Variants in APPBP2 observed in about 807,000 individuals in gnomAD.
The protein encoded by APPBP2 is amyloid beta precursor protein binding protein 2.
A neutral mutation model predicts 76.0 loss-of-function variants in APPBP2; 15 were observed. The observed-to-expected ratio is 0.20, with a 90% CI of 0.13 to 0.30. The LOEUF (loss-of-function observed/expected upper bound fraction) is 0.30. Ranked by LOEUF, APPBP2 falls within the 10% of genes least tolerant of loss-of-function variation. APPBP2 has a pLI of 1.00. For missense variants in APPBP2, 401 were observed against 687.2 expected (o/e 0.58, Z 4.66); for synonymous variants, 222 against 242.2 (o/e 0.92, Z 0.77).
At position 60,502,963 on chromosome 17, in the gene APPBP2, G is replaced by A. The variant is rs1197948579; in HGVS notation, c.139-2476C>T. Among the ~76,000 whole-genome samples, 3 of 144,820 alleles carry A rather than the reference G, an allele frequency of 2.1e-5. 1 individual carries two copies. The highest frequency in any genetic ancestry group is 8.5e-5 in the African/African-American group (3 of 35,138). Reference sequence around the variant, plus strand: ...CATTCCTTTAATGACTGAAACTGGTGTATCCTACTAAATGAGAGTCTATAT... The same window carrying A: ...CATTCCTTTAATGACTGAAACTGGTATATCCTACTAAATGAGAGTCTATAT... On this transcript the variant is annotated intron_variant, in intron 1 of 12. Coordinates refer to ENST00000083182, the MANE Select transcript of APPBP2 (RefSeq NM_006380.5).
intron 6 of APPBP2, 144 bp downstream of exon 6, chr17:60,463,876 TA>T: frequency 3.7e-6 from 2 of 535,110 alleles, no homozygotes; most frequent in Non-Finnish European, 6.3e-6. Flanking sequence ...ACCAGATTTC[TA>T]AAAATGAGCA....
chr17:60,514,953 G>A (rs996207124), intron 1 of APPBP2, among the ~76,000 whole-genome samples: 2 of 151,824 alleles, frequency 1.3e-5, no homozygotes, highest in African/African-American at 4.8e-5. Context: ...ACAGGTATCC[G>A]CCACCATGCC....
chr17:60,488,513 T>C (rs1234635227), intron 3 of APPBP2, among the ~76,000 whole-genome samples: 1 of 152,082 alleles, frequency 6.6e-6, no homozygotes, highest in Non-Finnish European at 1.5e-5. Flanking sequence ...TGGAGAGAAA[T>C]GGGAGTGACT....
Position 60,471,635 on chromosome 17 carries a change from G to A in APPBP2, c.504-5176C>T, listed in dbSNP as rs543224419. Among the ~76,000 whole-genome samples, 25 of 149,020 alleles carry A rather than the reference G, an allele frequency of 1.7e-4. No individual in the cohort carries two copies. The South Asian group carries it at 5.1e-3, about 30-fold the overall frequency. On this transcript the variant is annotated intron_variant, in intron 4 of 12. Coordinates refer to ENST00000083182, the MANE Select transcript of APPBP2 (RefSeq NM_006380.5). ...TGGTGTATCACACTGATGTTCTTAC[G>A]TTGAACCACCCTTGCATTCCTGGGA... is the stretch of plus-strand genomic sequence containing the variant.
intron 9 of APPBP2, 77 bp from the exon 10 acceptor site, chr17:60,456,458 TA>T (rs2090432516): frequency 1.1e-6 from 1 of 906,894 alleles, no homozygotes; most frequent in Admixed American, 2.0e-5. Flanking sequence ...TCACAATCTG[TA>T]ATATAATATT....
intron 1 of APPBP2, among the ~76,000 whole-genome samples, chr17:60,505,409 G>A (rs749480272): frequency 2.0e-5 from 3 of 152,186 alleles, no homozygotes; most frequent in African/African-American, 4.8e-5. Context: ...TCCGCCTCCC[G>A]CGTTCACGCC....
chr17:60,494,392 G>A, intron 3 of APPBP2, 74 bp downstream of exon 3: 1 of 1,537,654 alleles, frequency 6.5e-7, no homozygotes, highest in South Asian at 1.2e-5. Context: ...GAAAGCCCTG[G>A]AAGAATTCTT....
intron 1 of APPBP2, among the ~76,000 whole-genome samples, chr17:60,513,979 T>C (rs1192677517): frequency 2.9e-5 from 4 of 136,994 alleles, no homozygotes; most frequent in African/African-American, 1.1e-4. Flanking sequence ...CAAACACATA[T>C]ACATATTTTC....
rs1006176569 is a variant in APPBP2, at chr17:60,450,221, G to A, written c.1504+1659C>T. 7.3e-5 allele frequency among the ~76,000 whole-genome samples: 11 copies of A among 151,458 alleles called. No homozygotes were observed. The South Asian group carries it at 8.3e-4, about 11-fold the overall frequency. On this transcript the variant is annotated intron_variant, in intron 12 of 12. Coordinates refer to ENST00000083182, the MANE Select transcript of APPBP2 (RefSeq NM_006380.5). ...TGGGAGGCCAAGGCAGGCAGATCAC[G>A]AGGTTAAGAGATTGAGATCATCCTG...
Position 60,451,901 on chromosome 17 carries a change from A to C in APPBP2, c.1483T>G (p.Tyr495Asp). The change falls in exon 12 of 13, where the codon TAT (tyrosine) becomes GAT (aspartate). Residue 495 changes from tyrosine (Y) to aspartate (D), a missense_variant. By Grantham distance (160) the Tyr-to-Asp change is radical (BLOSUM62 -3). Around this residue, in one of 5 missense-constraint regions of APPBP2, gnomAD observed 130 missense variants for 322.7 expected, o/e 0.40. Coordinates refer to ENST00000083182, the MANE Select transcript of APPBP2 (RefSeq NM_006380.5). Reference protein sequence around the residue: ...MNQYENAEKLYLRSIAIGKKL... With the variant: ...MNQYENAEKLDLRSIAIGKKL... ...ATACCAATTGCTATAGATCGCAAAT[A>C]AAGTTTCTCAGCATTTTCATACTGA... 2 of 1,608,278 alleles carry C rather than the reference A, an allele frequency of 1.2e-6. No individual in the cohort carries two copies. Among genetic ancestry groups the C allele is most frequent in the Non-Finnish European group, 8.5e-7 (1 of 1,178,534 alleles).
At position 60,445,095 on chromosome 17, in the gene APPBP2, T is replaced by C. The variant is rs151181942; in HGVS notation, c.*2486A>G. On this transcript the variant is annotated 3_prime_UTR_variant, in exon 13 of 13. Coordinates refer to ENST00000083182, the MANE Select transcript of APPBP2 (RefSeq NM_006380.5). ...TACACTTAAAGTCATAGGGTATTAT[T>C]CTTCATTAGAACCAGAAATAATAGC... 140 of 152,322 alleles carry C rather than the reference T, an allele frequency of 9.2e-4. No homozygotes were observed. The highest frequency in any genetic ancestry group is 3.2e-3 in the African/African-American group (134 of 41,568). The allele number at this position is 152,322 out of a possible 1,614,324, so 9.4% of individuals were successfully genotyped here.
At chr17:60,454,215 AATTT>A (rs74268874) in intron 11 of APPBP2, 83 bp downstream of exon 11, 32,786 of 1,011,656 alleles carry the variant, frequency 0.032, 666 homozygotes, top group Middle Eastern at 0.052. Context: ...ATAAGTGTAT[AATTT>A]ATTTGAGCTT....
At chr17:60,489,719 C>T (rs2090711174) in intron 3 of APPBP2, among the ~76,000 whole-genome samples, 1 of 151,756 alleles carries the variant, frequency 6.6e-6, no homozygotes, top group Non-Finnish European at 1.5e-5. Context: ...ATGGCACATG[C>T]ACACAGTAAT....
At chr17:60,479,339 G>A (rs1374002887) in intron 3 of APPBP2, 68 bp from the exon 4 acceptor site, 3 of 1,451,684 alleles carry the variant, frequency 2.1e-6, no homozygotes, top group African/African-American at 2.9e-5. Context: ...ATGACATGCT[G>A]ACAGTGAATA....
chr17:60,472,566 G>C (rs1044777283), intron 4 of APPBP2, among the ~76,000 whole-genome samples: 2 of 152,018 alleles, frequency 1.3e-5, no homozygotes, highest in Non-Finnish European at 2.9e-5. Context: ...TGTTAGTCTG[G>C]TATGGTTTTA....
chr17:60,488,046 T>C (rs768514356), intron 3 of APPBP2, among the ~76,000 whole-genome samples: 6 of 152,104 alleles, frequency 3.9e-5, no homozygotes, highest in Admixed American at 6.5e-5. Context: ...ACAGCAAATA[T>C]TGCAGAACAG....
Position 60,525,951 on chromosome 17 carries a change from G to A in APPBP2, c.-20C>T. ...CGCCATCTTCCTTCCCTCCTCCTCC[G>A]CCTCCTCCGCCTCCTCCTCCCGAAG... On this transcript the variant is annotated 5_prime_UTR_variant, in exon 1 of 13. Transcript: ENST00000083182. 2 of 1,558,418 alleles carry A rather than the reference G, an allele frequency of 1.3e-6. No homozygotes were observed. Among genetic ancestry groups the A allele is most frequent in the African/African-American group, 1.4e-5 (1 of 73,682 alleles).
intron 1 of APPBP2, among the ~76,000 whole-genome samples, chr17:60,503,392 T>A (rs2090838816): frequency 7.2e-6 from 1 of 138,648 alleles, no homozygotes; most frequent in Admixed American, 7.0e-5. Flanking sequence ...TGCAAAGTAA[T>A]TTTTTTTTTT....
At chr17:60,490,665 G>T (rs1195108184) in intron 3 of APPBP2, among the ~76,000 whole-genome samples, 1 of 152,148 alleles carries the variant, frequency 6.6e-6, no homozygotes, top group Non-Finnish European at 1.5e-5. Flanking sequence ...ATCTCATCTT[G>T]AATTGTAGCT....
Sources: gnomAD v4.1 joint callset for allele counts (sites outside exome capture counted in the v4.1 genomes callset) on GRCh38, gnomAD v4.1.1 for gene constraint, gnomAD v4.1.1 regional missense constraint, MANE v1.5 for transcripts, NCBI Gene and HGNC (gene_info 2026-07-23, HGNC 2026-07-21) for gene names.